The following MBTD1 variants were observed in gnomAD, a reference collection of about 807,000 sequenced individuals.
MBTD1 encodes the protein mbt domain containing 1.
A neutral mutation model predicts 87.8 loss-of-function variants in MBTD1; 24 were observed. The observed-to-expected ratio is 0.27, with a 90% confidence interval of 0.20 to 0.38. The LOEUF is 0.38. MBTD1 is among the 10% of genes least tolerant of loss of function. MBTD1 has a pLI of 1.00. For missense variants in MBTD1, 436 were observed against 760.2 expected, an observed-to-expected ratio of 0.57 and a Z score of 5.02; for synonymous variants, 237 against 248.6, an observed-to-expected ratio of 0.95 and a Z score of 0.44.
At chr17:51,252,513 G>A (rs1170034315) in intron 2 of MBTD1, among the ~76,000 whole-genome samples, 1 of 151,982 alleles carries the variant, frequency 6.6e-6, no homozygotes, top group African/African-American at 2.4e-5. Context: ...GATTACTTGA[G>A]GAGTAATCCA....
chr17:51,258,947 C>CAGTG, intron 2 of MBTD1, among the ~76,000 whole-genome samples, 196 bp downstream of exon 2: 1 of 152,230 alleles, frequency 6.6e-6, no homozygotes, highest in East Asian at 1.9e-4. Flanking sequence ...GGCCAATGAG[C>CAGTG]AGTGGGTGGG....
At chr17:51,259,787 C>A in intron 1 of MBTD1, 48 bp downstream of exon 1, 1 of 1,232,312 alleles carries the variant, frequency 8.1e-7, no homozygotes, top group Non-Finnish European at 1.0e-6. Flanking sequence ...GAGCTGCAGG[C>A]GTCCCCCCCA....
At chr17:51,246,380 T>C (rs901323163) in intron 2 of MBTD1, among the ~76,000 whole-genome samples, 7 of 152,230 alleles carry the variant, frequency 4.6e-5, no homozygotes, top group African/African-American at 1.7e-4. Context: ...CTCAAAGAGT[T>C]TCAAATTTTG....
rs1568136164 is a variant in MBTD1 at position 51,179,514 on chromosome 17, A to ATATT, written c.*1061_*1062insAATA. The ATATT allele has an allele frequency of 1.1e-4, 11 of 96,064 alleles. No individual in the cohort carries two copies. The highest frequency in any genetic ancestry group is 2.8e-4 in the East Asian group (1 of 3,592). The allele number at this position is 96,064 out of a possible 1,614,324, so 6.0% of individuals were successfully genotyped here. ...TATATATATATATATATATATATAT[A>ATATT]TATATATATATATATATATATATGG... On this transcript the variant is annotated 3_prime_UTR_variant, in exon 17 of 17. Transcript: ENST00000586178.
chr17:51,260,300 C>A, upstream of MBTD1: 1 of 524,978 alleles, frequency 1.9e-6, no homozygotes, highest in Admixed American at 3.8e-5. Context: ...GCGCTCCTTT[C>A]AATATGTTGC....
chr17:51,244,280 ATACC>A (rs2054309139), intron 2 of MBTD1, among the ~76,000 whole-genome samples: 1 of 152,242 alleles, frequency 6.6e-6, no homozygotes, highest in African/African-American at 2.4e-5. Flanking sequence ...TTTTATTGAC[ATACC>A]TACCTATTCA....
At chr17:51,209,556 T>C in intron 6 of MBTD1, 1 of 459,118 alleles carries the variant, frequency 2.2e-6, no homozygotes, top group Non-Finnish European at 4.5e-6. Context: ...GAAGTCTTAT[T>C]TGCTGTACTT....
intron 16 of MBTD1, among the ~76,000 whole-genome samples, chr17:51,190,640 T>G (rs1256750448): frequency 6.9e-6 from 1 of 144,218 alleles, no homozygotes; most frequent in Non-Finnish European, 1.5e-5. Context: ...GAGAATTGCT[T>G]GTACCCGAGA....
In MBTD1 at chr17:51,218,529, C is replaced by CAA. The variant is rs58563366; in HGVS notation, c.403+399_403+400dup. 1.1e-3 allele frequency among the ~76,000 whole-genome samples: 119 copies of CAA among 110,652 alleles called. 2 individuals carry two copies. The highest frequency in any genetic ancestry group is 2.0e-3 in the African/African-American group (57 of 28,526). 72.6% of individuals were successfully genotyped at this position (110,652 alleles called of 152,430 possible). On this transcript the variant is annotated intron_variant, in intron 5 of 16. Transcript: ENST00000586178. ...GAGTGACAGAGCAAGACTCTGTCTCCAAAAAAAAAAAAAAAAAAAAAAAAA... is the reference window on the plus strand; with the variant it reads ...GAGTGACAGAGCAAGACTCTGTCTCCAAAAAAAAAAAAAAAAAAAAAAAAAAA...
At chr17:51,193,377 T>C (rs752623031) in intron 14 of MBTD1, 51 bp downstream of exon 14, 6 of 1,206,738 alleles carry the variant, frequency 5.0e-6, no homozygotes, top group Non-Finnish European at 7.3e-6. Flanking sequence ...TAAATTGTAT[T>C]TGTGGGGCAT....
chr17:51,196,905 T>A (rs1024590587), intron 12 of MBTD1, among the ~76,000 whole-genome samples: 3 of 150,400 alleles, frequency 2.0e-5, no homozygotes, highest in Non-Finnish European at 4.4e-5. Context: ...GGAAAAAAAA[T>A]TTTTTTTCCT....
intron 5 of MBTD1, among the ~76,000 whole-genome samples, chr17:51,218,301 G>T (rs1019727613): frequency 6.6e-6 from 1 of 151,940 alleles, no homozygotes; most frequent in African/African-American, 2.4e-5. Flanking sequence ...GGCTGAGGTG[G>T]GTGGATCATT....
At chr17:51,197,091 T>G (rs1287571666) in intron 12 of MBTD1, among the ~76,000 whole-genome samples, 2 of 11,688 alleles carry the variant, frequency 1.7e-4, no homozygotes, top group Non-Finnish European at 3.1e-4. Flanking sequence ...TATATATATA[T>G]ATATATATAT....
At chr17:51,231,648 C>A (rs1269431436) in intron 2 of MBTD1, among the ~76,000 whole-genome samples, 1 of 152,116 alleles carries the variant, frequency 6.6e-6, no homozygotes, top group African/African-American at 2.4e-5. Flanking sequence ...AGAAAATGAT[C>A]ATCTGCACAA....
At chr17:51,255,600 C>CT (rs1162659426) in intron 2 of MBTD1, among the ~76,000 whole-genome samples, 5,931 of 141,082 alleles carry the variant, frequency 0.042, 401 homozygotes, top group African/African-American at 0.14. Flanking sequence ...TTTTTTTTTC[C>CT]TTTTTTTTTT....
In MBTD1 at chr17:51,202,714, T is replaced by C. The variant is rs1164216674; in HGVS notation, c.1050A>G (p.Arg350=). The C allele has an allele frequency of 6.2e-7, 1 of 1,613,738 alleles. No homozygotes were observed. The part of the protein sequence containing the change: ...HIGWSRSIGH[R]FKRSDITKKQ... ...ATAGGTGCTTACCAGATCTTTTGAA[T>C]CGATGACCTATGCTTCGAGACCAAC... The change falls in exon 10 of 17, where the codon CGA becomes CGG. Residue 350 remains arginine (R), a synonymous_variant. Transcript: ENST00000586178.
intron 2 of MBTD1, among the ~76,000 whole-genome samples, chr17:51,247,045 A>C (rs1416655426): frequency 6.6e-6 from 1 of 152,200 alleles, no homozygotes; most frequent in African/African-American, 2.4e-5. Flanking sequence ...GTTTCTTAAT[A>C]AGATTCTGGC....
At chr17:51,257,826 T>C (rs1004562370) in intron 2 of MBTD1, among the ~76,000 whole-genome samples, 2 of 152,224 alleles carry the variant, frequency 1.3e-5, no homozygotes, top group African/African-American at 2.4e-5. Flanking sequence ...AAATATTTTA[T>C]GTCAAACATT....
At chr17:51,259,750 G>A in intron 1 of MBTD1, 85 bp downstream of exon 1, 1 of 1,190,164 alleles carries the variant, frequency 8.4e-7, no homozygotes, top group South Asian at 4.3e-5. Context: ...AGCGGGGTCA[G>A]GGAGCTGCGG....
Sources: gnomAD v4.1 joint callset for allele counts (sites outside exome capture counted in the v4.1 genomes callset) on GRCh38, gnomAD v4.1.1 for gene constraint, MANE v1.5 for transcripts, NCBI Gene and HGNC (gene_info 2026-07-23, HGNC 2026-07-21) for gene names.